GRID2: variants seen among roughly 807,000 people sequenced by gnomAD.
The protein encoded by GRID2 is glutamate receptor ionotropic, delta-2.
In GRID2, 33 loss-of-function variants were observed where a neutral mutation model predicts 114.8. That is an observed-to-expected ratio of 0.29 (90% CI 0.22 to 0.38). The LOEUF (loss-of-function observed/expected upper bound fraction) is 0.38, where lower values mean the gene tolerates loss of function less well. Among genes scored for constraint, GRID2 ranks in the 10% least tolerant of loss-of-function variants. GRID2 has a pLI of 1.00. For missense variants in GRID2, 1,184 were observed against 1,257.7 expected (o/e 0.94, Z 0.89); for synonymous variants, 505 against 449.9 (o/e 1.12, Z -1.55).
chr4:93,253,409 A>G (rs974497279), intron 8 of GRID2, among the ~76,000 whole-genome samples: 1 of 152,166 alleles, frequency 6.6e-6, no homozygotes, highest in African/African-American at 2.4e-5. Flanking sequence ...ACTAGTTCTA[A>G]TTTTAAAAAT....
At chr4:92,900,704 T>C (rs185056171) in intron 2 of GRID2, among the ~76,000 whole-genome samples, 120 of 152,150 alleles carry the variant, frequency 7.9e-4, no homozygotes, top group Non-Finnish European at 1.3e-3. Context: ...CGTGGTGGCA[T>C]GTGCCTGTAG....
At chr4:92,834,406 T>G (rs906715607) in intron 2 of GRID2, among the ~76,000 whole-genome samples, 1 of 152,214 alleles carries the variant, frequency 6.6e-6, no homozygotes, top group African/African-American at 2.4e-5. Flanking sequence ...GTTGTTGTCA[T>G]TTGGCATTAT....
chr4:92,445,511 A>C (rs1733410689), intron 1 of GRID2, among the ~76,000 whole-genome samples: 1 of 152,202 alleles, frequency 6.6e-6, no homozygotes, highest in African/African-American at 2.4e-5. Flanking sequence ...AGTGTTTTAA[A>C]AAGTGATATG....
intron 2 of GRID2, among the ~76,000 whole-genome samples, chr4:92,683,522 A>C (rs1733752834): frequency 6.6e-6 from 1 of 152,154 alleles, no homozygotes; most frequent in African/African-American, 2.4e-5. Flanking sequence ...TTAGGATTTA[A>C]TTTGCCTGGA....
intron 4 of GRID2, among the ~76,000 whole-genome samples, chr4:93,126,417 C>T (rs1734263881): frequency 6.6e-6 from 1 of 151,870 alleles, no homozygotes; most frequent in Non-Finnish European, 1.5e-5. Context: ...GGGCTTGGCA[C>T]TATTGACAAT....
chr4:92,430,902 A>G (rs1354535918), intron 1 of GRID2, among the ~76,000 whole-genome samples: 1 of 151,728 alleles, frequency 6.6e-6, no homozygotes, highest in African/African-American at 2.4e-5. Flanking sequence ...CCTTTTTCAG[A>G]TTGTTTGCTG....
chr4:93,300,095 A>G (rs1332394357), intron 8 of GRID2, among the ~76,000 whole-genome samples: 1 of 152,004 alleles, frequency 6.6e-6, no homozygotes, highest in East Asian at 1.9e-4. Context: ...CTTTATTTGT[A>G]TTATATTTCT....
intron 8 of GRID2, among the ~76,000 whole-genome samples, chr4:93,276,418 G>T (rs544156026): frequency 2.4e-3 from 363 of 152,016 alleles, no homozygotes; most frequent in Admixed American, 5.3e-3. Flanking sequence ...GGATCATGTT[G>T]ACTCTTCTGA....
At chr4:92,887,250 A>T (rs1479363848) in intron 2 of GRID2, among the ~76,000 whole-genome samples, 2 of 152,192 alleles carry the variant, frequency 1.3e-5, no homozygotes, top group Non-Finnish European at 2.9e-5. Context: ...CTTACATAGG[A>T]CACCCAGAGG....
chr4:92,572,022 ATAAC>A (rs1727648588), intron 1 of GRID2, among the ~76,000 whole-genome samples: 1 of 152,172 alleles, frequency 6.6e-6, no homozygotes, highest in South Asian at 2.1e-4. Flanking sequence ...AAAGCAAGAA[ATAAC>A]TAAGATCAGA....
intron 8 of GRID2, among the ~76,000 whole-genome samples, chr4:93,267,936 C>T (rs1449795175): frequency 2.0e-5 from 3 of 152,142 alleles, no homozygotes; most frequent in African/African-American, 7.2e-5. Context: ...TGCTACTCCC[C>T]AAGTCAGATC....
intron 9 of GRID2, among the ~76,000 whole-genome samples, chr4:93,418,786 A>G (rs1403761194): frequency 6.6e-6 from 1 of 152,064 alleles, no homozygotes; most frequent in African/African-American, 2.4e-5. Context: ...ACCTAAAGTA[A>G]TATTACCTTT....
At chr4:93,800,019 A>T (rs1734896444) in intron 1 of GRID2, among the ~76,000 whole-genome samples, 1 of 152,186 alleles carries the variant, frequency 6.6e-6, no homozygotes, top group Admixed American at 6.5e-5. Context: ...GCATATTTTT[A>T]AAAATGAAAG....
At chr4:93,410,607 G>C (rs1767017197) in intron 9 of GRID2, among the ~76,000 whole-genome samples, 1 of 152,168 alleles carries the variant, frequency 6.6e-6, no homozygotes, top group Non-Finnish European at 1.5e-5. Context: ...GTTTGAGACA[G>C]AGTTTCACTC....
At chr4:93,590,662 C>T (rs1327768242) in intron 13 of GRID2, among the ~76,000 whole-genome samples, 17 of 152,214 alleles carry the variant, frequency 1.1e-4, no homozygotes, top group African/African-American at 3.6e-4. Flanking sequence ...GCCATTTTCA[C>T]GATATTGATT....
At chr4:93,765,290 G>C (rs1733553718) in intron 14 of GRID2, among the ~76,000 whole-genome samples, 1 of 152,042 alleles carries the variant, frequency 6.6e-6, no homozygotes, top group South Asian at 2.1e-4. Context: ...AACACTTGTA[G>C]CCCATGCCAG....
At chr4:93,205,916 G>A (rs1742705521) in intron 4 of GRID2, among the ~76,000 whole-genome samples, 1 of 152,086 alleles carries the variant, frequency 6.6e-6, no homozygotes, top group Non-Finnish European at 1.5e-5. Context: ...CAGTGATGAT[G>A]AGCATTTGTT....
chr4:93,688,581 T>C (rs1726276302), intron 14 of GRID2, among the ~76,000 whole-genome samples: 1 of 152,042 alleles, frequency 6.6e-6, no homozygotes, highest in Non-Finnish European at 1.5e-5. Context: ...ATTCAAAGTG[T>C]TATTTCTATG....
chr4:93,300,680 A>T (rs1159260071), intron 8 of GRID2, among the ~76,000 whole-genome samples: 1 of 152,196 alleles, frequency 6.6e-6, no homozygotes, highest in African/African-American at 2.4e-5. Flanking sequence ...GACGAGCCGC[A>T]GACAAAACCT....
Sources: gnomAD v4.1 joint callset for allele counts (sites outside exome capture counted in the v4.1 genomes callset) on GRCh38, gnomAD v4.1.1 for gene constraint, MANE v1.5 for transcripts, NCBI Gene and HGNC (gene_info 2026-07-23, HGNC 2026-07-21) for gene names.